Variants in LHPP observed in about 807,000 individuals in gnomAD.
LHPP encodes phospholysine phosphohistidine inorganic pyrophosphate phosphatase, also known as hLHPP.
A neutral mutation model predicts 30.3 loss-of-function variants in LHPP; 24 were observed. The ratio of observed to expected loss-of-function variants is 0.79; its 90% CI spans 0.57 to 1.11. The LOEUF (loss-of-function observed/expected upper bound fraction) is 1.11. Among genes scored for constraint, LHPP ranks in the 50% most tolerant of loss-of-function variants. LHPP has a pLI of 0.00. For missense variants in LHPP, 356 were observed against 367.2 expected (o/e 0.97, Z 0.25); for synonymous variants, 150 against 157.1 (o/e 0.95, Z 0.34).
At chr10:124,505,746 C>T (rs530050202) in intron 5 of LHPP, among the ~76,000 whole-genome samples, 22 of 152,298 alleles carry the variant, frequency 1.4e-4, no homozygotes, top group African/African-American at 5.3e-4. Flanking sequence ...AAGGTTTTGG[C>T]AGTTCTCCAT....
chr10:124,598,520 C>T (rs1363716803), intron 6 of LHPP, among the ~76,000 whole-genome samples: 1 of 152,204 alleles, frequency 6.6e-6, no homozygotes, highest in Non-Finnish European at 1.5e-5. Flanking sequence ...ATCGGACCTG[C>T]CCACCATCTC....
At chr10:124,477,467 G>T (rs185348945) in intron 1 of LHPP, among the ~76,000 whole-genome samples, 11 of 152,114 alleles carry the variant, frequency 7.2e-5, no homozygotes, top group African/African-American at 2.2e-4. Flanking sequence ...AGCCTGATGT[G>T]GGGGAGCGCT....
chr10:124,613,229 G>T, intron 6 of LHPP, 35 bp from the exon 7 acceptor site: 1 of 1,501,830 alleles, frequency 6.7e-7, no homozygotes, highest in Non-Finnish European at 9.3e-7. Flanking sequence ...GGGTCAGCGT[G>T]GGGGCACTGA....
chr10:124,589,654 C>T (rs989836450), intron 6 of LHPP, among the ~76,000 whole-genome samples: 4 of 152,232 alleles, frequency 2.6e-5, no homozygotes, highest in Admixed American at 6.5e-5. Context: ...CATCTGAGAT[C>T]GGCCTCCTTC....
chr10:124,572,803 C>T (rs766202884), intron 6 of LHPP, among the ~76,000 whole-genome samples: 1 of 152,176 alleles, frequency 6.6e-6, no homozygotes, highest in Non-Finnish European at 1.5e-5. Context: ...CCATGGGCGT[C>T]ATTTCATCAC....
intron 6 of LHPP, among the ~76,000 whole-genome samples, chr10:124,597,564 G>C (rs538940662): frequency 6.6e-6 from 1 of 152,218 alleles, no homozygotes; most frequent in African/African-American, 2.4e-5. Flanking sequence ...ACCAGCAAGG[G>C]CACCCAGAGC....
intron 6 of LHPP, among the ~76,000 whole-genome samples, chr10:124,530,937 C>T (rs1954886422): frequency 2.0e-5 from 3 of 152,126 alleles, no homozygotes. Context: ...CTCCCTGGCA[C>T]CTTGTCAGAG....
chr10:124,530,565 C>T (rs922034188), intron 6 of LHPP, among the ~76,000 whole-genome samples: 31 of 152,092 alleles, frequency 2.0e-4, no homozygotes, highest in African/African-American at 6.0e-4. Flanking sequence ...CATACACTCA[C>T]GCCCAGACCC....
At chr10:124,602,930 TG>T (rs1162827694) in intron 6 of LHPP, among the ~76,000 whole-genome samples, 1 of 152,158 alleles carries the variant, frequency 6.6e-6, no homozygotes, top group African/African-American at 2.4e-5. Flanking sequence ...CTCTTTTGGT[TG>T]GGGGGCACAG....
intron 6 of LHPP, among the ~76,000 whole-genome samples, chr10:124,568,222 T>C (rs932302843): frequency 6.6e-6 from 1 of 152,196 alleles, no homozygotes; most frequent in Admixed American, 6.5e-5. Context: ...CTGGTTCTTA[T>C]TTCTTTAATT....
At chr10:124,537,161 G>A (rs1347723201) in intron 6 of LHPP, among the ~76,000 whole-genome samples, 9 of 152,222 alleles carry the variant, frequency 5.9e-5, no homozygotes, top group Non-Finnish European at 4.4e-5. Context: ...GCAACCTGGT[G>A]CACCCGGAGC....
intron 6 of LHPP, among the ~76,000 whole-genome samples, chr10:124,525,699 A>G (rs1470674278): frequency 6.6e-6 from 1 of 152,198 alleles, no homozygotes; most frequent in Non-Finnish European, 1.5e-5. Flanking sequence ...TTGGGGCAGC[A>G]TCAGCTTCCT....
chr10:124,547,477 C>T (rs1034474068), intron 6 of LHPP, among the ~76,000 whole-genome samples: 2 of 152,230 alleles, frequency 1.3e-5, no homozygotes, highest in Non-Finnish European at 2.9e-5. Flanking sequence ...CCCCAGTGTC[C>T]ACCCACAGAG....
intron 3 of LHPP, among the ~76,000 whole-genome samples, chr10:124,491,719 G>A (rs1169535980): frequency 6.6e-6 from 1 of 152,226 alleles, no homozygotes; most frequent in African/African-American, 2.4e-5. Context: ...GAGGCCAGGG[G>A]TTCAAGACCA....
chr10:124,555,941 C>T (rs1022175837), intron 6 of LHPP, among the ~76,000 whole-genome samples: 2 of 152,178 alleles, frequency 1.3e-5, no homozygotes, highest in East Asian at 1.9e-4. Flanking sequence ...CGAGGTCACA[C>T]AGCTGGGACG....
At chr10:124,519,999 A>G (rs1283667457) in intron 6 of LHPP, among the ~76,000 whole-genome samples, 1 of 151,538 alleles carries the variant, frequency 6.6e-6, no homozygotes, top group African/African-American at 2.4e-5. Flanking sequence ...CGCCCGGCTA[A>G]TTTTTTGGTA....
chr10:124,565,013 G>T (rs1390144936), intron 6 of LHPP, among the ~76,000 whole-genome samples: 2 of 152,202 alleles, frequency 1.3e-5, no homozygotes, highest in African/African-American at 4.8e-5. Context: ...CTTGGAGGAA[G>T]AGTGGGAGGG....
At chr10:124,492,273 T>TTTC (rs10652412) in intron 3 of LHPP, among the ~76,000 whole-genome samples, 134,806 of 152,034 alleles carry the variant, frequency 0.89, 60,071 homozygotes, top group African/African-American at 0.97. Flanking sequence ...ATGAAAAGAT[T>TTTC]TTTTTAGTGA....
rs1224620270 is a variant in LHPP, at chr10:124,517,081, C to T, written c.625-99C>T. The T allele has an allele frequency of 2.8e-6, 2 of 714,018 alleles. No homozygotes were observed. The highest frequency in any genetic ancestry group is 4.6e-6 in the Non-Finnish European group (2 of 438,244). The allele number at this position is 714,018 out of a possible 1,614,324, so 44.2% of individuals were successfully genotyped here. Reference sequence around the variant, plus strand: ...TAATTTGTATGATGGTGGTTGTAAACATCAAATCAAGCCATTTATTATGTC... The same window carrying T: ...TAATTTGTATGATGGTGGTTGTAAATATCAAATCAAGCCATTTATTATGTC... On this transcript the variant is annotated intron_variant, in intron 5 of 6. Coordinates refer to ENST00000368842, the MANE Select transcript of LHPP (RefSeq NM_022126.4). The surrounding 1 kb of genome is among the most constrained non-coding windows in gnomAD (Gnocchi z 4.1).
Sources: gnomAD v4.1 joint callset for allele counts (sites outside exome capture counted in the v4.1 genomes callset) on GRCh38, gnomAD v4.1.1 for gene constraint, Gnocchi (gnomAD v3.1) non-coding constraint, MANE v1.5 for transcripts, NCBI Gene and HGNC (gene_info 2026-07-23, HGNC 2026-07-21) for gene names.